The following JPH3 variants were observed in gnomAD, a reference collection of about 807,000 sequenced individuals.
JPH3 encodes the protein junctophilin 3.
In JPH3, 11 loss-of-function variants were observed where a neutral mutation model predicts 59.6. The observed-to-expected ratio is 0.18, with a 90% CI of 0.12 to 0.31. JPH3 has a LOEUF of 0.31. Ranked by LOEUF, JPH3 falls within the 10% of genes least tolerant of loss-of-function variation. JPH3 has a pLI of 1.00. For missense variants in JPH3, 1,202 were observed against 1,105.7 expected (o/e 1.09, Z -1.24); for synonymous variants, 673 against 483.6 (o/e 1.39, Z -5.14).
chr16:87,656,981 C>G (rs1258959632), intron 2 of JPH3, among the ~76,000 whole-genome samples: 1 of 152,072 alleles, frequency 6.6e-6, no homozygotes, highest in Non-Finnish European at 1.5e-5. Flanking sequence ...GTCACCAGTC[C>G]CATCAGATTA....
At chr16:87,644,144 C>A in intron 1 of JPH3, 114 bp from the exon 2 acceptor site, 1 of 1,182,014 alleles carries the variant, frequency 8.5e-7, no homozygotes, top group Non-Finnish European at 1.2e-6. Flanking sequence ...TCTCAAAAAA[C>A]ACAAAACAAC....
At chr16:87,645,170 A>C (rs1025898291) in intron 2 of JPH3, 135 bp downstream of exon 2, 1 of 906,712 alleles carries the variant, frequency 1.1e-6, no homozygotes, top group Admixed American at 2.9e-5. Context: ...TTCTCAAACT[A>C]TGCCCCCATG....
chr16:87,673,992 G>A (rs1472336427), intron 2 of JPH3, among the ~76,000 whole-genome samples: 2 of 150,624 alleles, frequency 1.3e-5, no homozygotes, highest in African/African-American at 4.9e-5. Flanking sequence ...AGAAAGCTGT[G>A]TTTGCTGATA....
rs112716906 is a variant in JPH3, at chr16:87,640,064, G to C, written c.383-4194G>C. On this transcript the variant is annotated intron_variant, in intron 1 of 4. Coordinates refer to ENST00000284262, the MANE Select transcript of JPH3 (RefSeq NM_020655.4). ...CCTTCCTGGAGTTCCAGCTGAGGGG[G>C]GGCCCAATTTAACAAGCACTTTGGG... Among the ~76,000 whole-genome samples the C allele has an allele frequency of 5.6e-3, 849 of 152,260 alleles. 11 individuals are homozygous for C. Among genetic ancestry groups the C allele is most frequent in the African/African-American group, 0.019 (808 of 41,570 alleles).
At chr16:87,683,928 C>G (rs2033354646) in intron 2 of JPH3, 2 of 570,164 alleles carry the variant, frequency 3.5e-6, no homozygotes, top group African/African-American at 1.9e-5. Context: ...CAAGCATGTC[C>G]TGTGCACTGG....
chr16:87,602,550 C>CGA lies in JPH3; in HGVS notation c.-596_-595insAG. ...CCGGAGCGCACGCCGCCGCCGCCAC[C>CGA]GCCGCCGCCGCCGCCCGAGCCGCCG... On this transcript the variant is annotated 5_prime_UTR_variant, in exon 1 of 5. Coordinates refer to ENST00000284262, the MANE Select transcript of JPH3 (RefSeq NM_020655.4). 7.4e-6 allele frequency among the ~76,000 whole-genome samples: 1 copy of CGA among 136,008 alleles called. No individual in the cohort carries two copies. Among genetic ancestry groups the CGA allele is most frequent in the Non-Finnish European group, 1.6e-5 (1 of 63,352 alleles). The allele number at this position is 136,008 out of a possible 152,430, so 89.2% of individuals were successfully genotyped here.
At chr16:87,682,260 G>T (rs1412778307) in intron 2 of JPH3, among the ~76,000 whole-genome samples, 1 of 152,198 alleles carries the variant, frequency 6.6e-6, no homozygotes, top group African/African-American at 2.4e-5. Context: ...TAGCACAGTG[G>T]AATCTTGAAA....
chr16:87,663,213 A>T (rs58263679), intron 2 of JPH3, among the ~76,000 whole-genome samples: 6,889 of 151,542 alleles, frequency 0.045, 534 homozygotes, highest in African/African-American at 0.16. Flanking sequence ...GGTTCAAGCA[A>T]TTCTCCTGCC....
rs751001304 is a variant in JPH3 at position 87,696,707 on chromosome 16, CATTAAA to C, written c.*55_*60del. On this transcript the variant is annotated 3_prime_UTR_variant, in exon 5 of 5. Transcript: ENST00000284262. ...ATAGAGAAAGGGTAGAAAAAAGGGA[CATTAAA>C]ATTAAAAGCAAAACCACAAGAAGGG... 6.7e-7 allele frequency: 1 copy of C among 1,498,572 alleles called. No homozygotes were observed. Among genetic ancestry groups the C allele is most frequent in the African/African-American group, 1.4e-5 (1 of 72,652 alleles). 92.8% of individuals were successfully genotyped at this position (1,498,572 alleles called of 1,614,324 possible). A position where few individuals can be genotyped will look rare whatever the true frequency, so the allele number is the denominator to read the frequency against.
intron 2 of JPH3, among the ~76,000 whole-genome samples, chr16:87,668,236 G>C (rs552854827): frequency 1.2e-3 from 176 of 152,326 alleles, no homozygotes; most frequent in Middle Eastern, 3.4e-3. Context: ...GCTGGATCTG[G>C]AGGCCGGAGC....
intron 1 of JPH3, among the ~76,000 whole-genome samples, chr16:87,641,060 T>G (rs377193984): frequency 1.8e-4 from 27 of 152,300 alleles, no homozygotes; most frequent in African/African-American, 6.3e-4. Context: ...TGGTTCGCAT[T>G]GGGGTGCCGG....
intron 2 of JPH3, among the ~76,000 whole-genome samples, chr16:87,661,414 C>T (rs1389857910): frequency 6.6e-6 from 1 of 151,864 alleles, no homozygotes; most frequent in Non-Finnish European, 1.5e-5. Flanking sequence ...ACCACGCTCT[C>T]CTCTGGGCCT....
In JPH3 at chr16:87,644,279, T is replaced by A. The variant is rs758096631; in HGVS notation, c.404T>A (p.Val135Asp). 2 of 1,610,202 alleles carry A rather than the reference T, an allele frequency of 1.2e-6. No homozygotes were observed. The highest frequency in any genetic ancestry group is 1.7e-6 in the Non-Finnish European group (2 of 1,178,564). The change falls in exon 2 of 5, where the codon GTC becomes GAC. Residue 135 changes from valine to aspartate, a missense_variant. Coordinates refer to ENST00000284262, the MANE Select transcript of JPH3 (RefSeq NM_020655.4). ...SDGGTYQGQW[V>D]GGMRQGYGVR... The stretch of plus-strand genomic sequence containing the variant: ...CCAGGGACCTACCAGGGCCAGTGGG[T>A]CGGTGGCATGCGCCAGGGCTACGGC...
At chr16:87,645,634 G>A (rs2032121669) in intron 2 of JPH3, among the ~76,000 whole-genome samples, 1 of 152,216 alleles carries the variant, frequency 6.6e-6, no homozygotes, top group South Asian at 2.1e-4. Flanking sequence ...GGGGTCCAGT[G>A]GGGCCTCTAG....
At chr16:87,612,464 T>G (rs1244997153) in intron 1 of JPH3, among the ~76,000 whole-genome samples, 1 of 152,198 alleles carries the variant, frequency 6.6e-6, no homozygotes, top group Non-Finnish European at 1.5e-5. Context: ...GATTATTTTT[T>G]AAACATTCCA....
Position 87,614,737 on chromosome 16 carries a change from G to A in JPH3, c.382+11209G>A, listed in dbSNP as rs554190477. Among the ~76,000 whole-genome samples, 60 of 140,720 alleles carry A rather than the reference G, an allele frequency of 4.3e-4. 1 individual carries two copies. Among genetic ancestry groups the A allele is most frequent in the African/African-American group, 1.4e-3 (51 of 36,558 alleles). The allele number at this position is 140,720 out of a possible 152,430, so 92.3% of individuals were successfully genotyped here. On this transcript the variant is annotated intron_variant, in intron 1 of 4. Coordinates refer to ENST00000284262, the MANE Select transcript of JPH3 (RefSeq NM_020655.4). ...GGTCCCTGCACACACGAGGAGCCGCGCGTCCCCTCCCGGGATAAACGCTGG... is the reference window on the plus strand; with the variant it reads ...GGTCCCTGCACACACGAGGAGCCGCACGTCCCCTCCCGGGATAAACGCTGG...
chr16:87,690,331 C>T lies in JPH3; in HGVS notation c.1971C>T (p.Ser657=). The change falls in exon 4 of 5, where the codon TCC becomes TCT. Residue 657 remains serine (S), a synonymous_variant. Transcript: ENST00000284262. ...GCTTCGGGGTGCAGAGACTGCGGTC[C>T]AAGGCCCAGAACAAGGAGAACTTCA... is the stretch of plus-strand genomic sequence containing the variant. The part of the protein sequence containing the change: ...DRGFGVQRLR[S]KAQNKENFRP... 6.3e-7 allele frequency: 1 copy of T among 1,587,252 alleles called. No individual in the cohort carries two copies. The highest frequency in any genetic ancestry group is 8.6e-7 in the Non-Finnish European group (1 of 1,167,948).
rs150368547 is a variant in JPH3, at chr16:87,631,811, C to T, written c.383-12447C>T. Among the ~76,000 whole-genome samples, 979 of 152,244 alleles carry T rather than the reference C, an allele frequency of 6.4e-3. 12 individuals are homozygous for T. Among genetic ancestry groups the T allele is most frequent in the African/African-American group, 0.023 (956 of 41,538 alleles). On this transcript the variant is annotated intron_variant, in intron 1 of 4. Transcript: ENST00000284262. ...GATTTTCTTGATTTTTATCTTCCAGCTTATTTACCAAAATATTTCTTTTAG... is the reference window on the plus strand; with the variant it reads ...GATTTTCTTGATTTTTATCTTCCAGTTTATTTACCAAAATATTTCTTTTAG...
chr16:87,640,134 C>A (rs2031895516), intron 1 of JPH3, among the ~76,000 whole-genome samples: 1 of 152,092 alleles, frequency 6.6e-6, no homozygotes, highest in African/African-American at 2.4e-5. Flanking sequence ...TGAGACCATC[C>A]TGGCCAACAT....
Sources: allele counts gnomAD v4.1 joint callset (sites outside exome capture counted in the v4.1 genomes callset), GRCh38; gene constraint gnomAD v4.1.1; transcripts MANE v1.5; gene names NCBI Gene and HGNC (gene_info 2026-07-23, HGNC 2026-07-21).